PIGA: variants seen among roughly 807,000 people sequenced by gnomAD.
PIGA encodes phosphatidylinositol N-acetylglucosaminyltransferase subunit A.
A neutral mutation model predicts 17.1 loss-of-function variants in PIGA; 3 were observed. The ratio of observed to expected loss-of-function variants is 0.18; its 90% confidence interval spans 0.08 to 0.45. The LOEUF (loss-of-function observed/expected upper bound fraction) is 0.45, where lower values mean the gene tolerates loss of function less well. PIGA is among the 20% of genes least tolerant of loss of function. The pLI is 0.99. For synonymous variants in PIGA, 126 were observed against 135.1 expected (o/e 0.93, Z 0.47); for missense variants, 231 against 374.1 (o/e 0.62, Z 3.16).
chrX:15,333,507 C>T (rs761798245), intron 1 of PIGA, among the ~76,000 whole-genome samples: 17 of 111,289 alleles, frequency 1.5e-4, no homozygotes, highest in African/African-American at 4.6e-4. Context: ...ATGAAGAAAC[C>T]TCATCTCTAT....
At chrX:15,333,931 G>A (rs1462327433) in intron 1 of PIGA, among the ~76,000 whole-genome samples, 2 of 111,444 alleles carry the variant, frequency 1.8e-5, no homozygotes, top group Non-Finnish European at 3.8e-5. Context: ...CTTTATTAAT[G>A]TGAAATGCCC....
rs1921757075 is a variant in PIGA at position 15,320,150 on chromosome X, G to C, written c.*1356C>G. 1 of 112,676 alleles carries C rather than the reference G, an allele frequency of 8.9e-6. No individual in the cohort carries two copies. The highest frequency in any genetic ancestry group is 3.2e-5 in the African/African-American group (1 of 31,113). The allele number at this position is 112,676 out of a possible 1,213,427, so 9.3% of individuals were successfully genotyped here. On this transcript the variant is annotated 3_prime_UTR_variant, in exon 6 of 6. Coordinates refer to ENST00000333590, the MANE Select transcript of PIGA (RefSeq NM_002641.4). ...ATCAGTGCAACCAGTTAATAGGCAT[G>C]TTATTTTTTAAAAAGTAATAAATTT...
At chrX:15,323,373 T>C (rs1485813207) in intron 5 of PIGA, among the ~76,000 whole-genome samples, 1 of 111,267 alleles carries the variant, frequency 9.0e-6, no homozygotes, top group African/African-American at 3.3e-5. Flanking sequence ...ATACCCCCAA[T>C]TCTATCTCTG....
intron 1 of PIGA, among the ~76,000 whole-genome samples, chrX:15,334,259 C>T (rs1439557430): frequency 1.0e-5 from 1 of 99,932 alleles, no homozygotes; most frequent in Non-Finnish European, 2.0e-5. Context: ...GGAGCGATCT[C>T]GTCTCACTGC....
At chrX:15,328,153 A>G (rs186678527) in intron 2 of PIGA, 1 of 112,243 alleles carries the variant, frequency 8.9e-6, no homozygotes, top group African/African-American at 3.2e-5. Flanking sequence ...AGGAGAACTT[A>G]GCTCCAGAAA....
intron 5 of PIGA, among the ~76,000 whole-genome samples, chrX:15,322,251 A>C (rs777695844): frequency 8.9e-6 from 1 of 111,845 alleles, no homozygotes; most frequent in Admixed American, 9.5e-5. Context: ...CCACAAGCAG[A>C]GAGCTACAAT....
intron 2 of PIGA, among the ~76,000 whole-genome samples, chrX:15,329,567 T>A (rs1245557257): frequency 8.9e-6 from 1 of 111,855 alleles, no homozygotes; most frequent in Non-Finnish European, 1.9e-5. Flanking sequence ...CAGTGTGTAT[T>A]AATATTTTGA....
Position 15,331,900 on chromosome X carries a change from G to T in PIGA, c.31C>A (p.His11Asn). 8.3e-7 allele frequency: 1 copy of T among 1,206,886 alleles called. No homozygotes were observed. The highest frequency in any genetic ancestry group is 1.1e-6 in the Non-Finnish European group (1 of 891,983). Residue 11 changes from histidine to asparagine, a missense_variant, in exon 2 of 6, where the codon CAC becomes AAC. His to Asn is a moderately conservative substitution (Grantham distance 68, BLOSUM62 1). Transcript: ENST00000333590. MACRGGAGNG[H>N]RASATLSRVS... ...CGAGAGAGTGTAGCTGAGGCACGGTGGCCATTCCCAGCTCCTCCTCTACAG... is the reference window on the plus strand; with the variant it reads ...CGAGAGAGTGTAGCTGAGGCACGGTTGCCATTCCCAGCTCCTCCTCTACAG...
At chrX:15,328,099 G>A (rs956624243) in intron 2 of PIGA, 2 of 111,738 alleles carry the variant, frequency 1.8e-5, no homozygotes, top group Non-Finnish European at 3.8e-5. Flanking sequence ...AGAACCTTCT[G>A]ATCTACACCT....
At position 15,331,475 on chromosome X, in the gene PIGA, C is replaced by T. The variant is rs776453997; in HGVS notation, c.456G>A (p.Thr152=). The part of the protein sequence containing the change: ...AKTMGLQTVF[T]DHSLFGFADV... ...CAGCAAATCCAAAAAGGGAATGGTCCGTGAAGACTGTCTGAAGCCCCATTG... is the reference window on the plus strand; with the variant it reads ...CAGCAAATCCAAAAAGGGAATGGTCTGTGAAGACTGTCTGAAGCCCCATTG... Residue 152 remains threonine, a synonymous_variant, in exon 2 of 6, where the codon ACG becomes ACA. Transcript: ENST00000333590. 8 of 1,211,870 alleles carry T rather than the reference C, an allele frequency of 6.6e-6. No individual in the cohort carries two copies. In the Admixed American group the frequency reaches 1.3e-4, roughly 20 times the overall value.
chrX:15,330,601 ACTT>A (rs776608589), intron 2 of PIGA, among the ~76,000 whole-genome samples: 1 of 110,139 alleles, frequency 9.1e-6, no homozygotes, highest in Non-Finnish European at 1.9e-5. Flanking sequence ...TCTGCCCTTT[ACTT>A]CTTTTTTTTT....
rs781304220 is a variant in PIGA, at chrX:15,331,319, G to A, written c.612C>T (p.Ser204=). The A allele has an allele frequency of 8.3e-6, 10 of 1,204,463 alleles. No individual in the cohort carries two copies. Among genetic ancestry groups the A allele is most frequent in the East Asian group, 3.0e-5 (1 of 33,794 alleles). The part of the protein sequence containing the change: ...LRAALNPEIV[S]VIPNAVDPTD... The stretch of plus-strand genomic sequence containing the variant: ...TAGGATCTACAGCATTAGGAATGAC[G>A]GACACTATTTCAGGATTCAGTGCTG... Residue 204 remains serine, a synonymous_variant, in exon 2 of 6, where the codon TCC becomes TCT. Transcript: ENST00000333590.
In PIGA at chrX:15,325,951, A is replaced by G. The variant is rs752431843; in HGVS notation, c.811T>C (p.Leu271=). 3.2e-5 allele frequency: 38 copies of G among 1,200,912 alleles called. No homozygotes were observed. The East Asian group carries it at 1.1e-3, about 34-fold the overall frequency. ...IGGEGPKRII[L]EEVRERYQLH... is the part of the protein sequence containing the mutation. ...TGGTATCTTTCCCGAACTTCTTCCA[A>G]AATGATTCTCTTTGGTCCCTCTCCT... The change falls in exon 3 of 6, where the codon TTG becomes CTG. Residue 271 remains leucine, a synonymous_variant. Transcript: ENST00000333590.
chrX:15,323,935 G>A (rs1921893642), intron 5 of PIGA, among the ~76,000 whole-genome samples: 1 of 111,973 alleles, frequency 8.9e-6, no homozygotes, highest in African/African-American at 3.2e-5. Context: ...ATGGTAATAA[G>A]AGGCATGAGG....
Position 15,324,766 on chromosome X carries a change from T to C in PIGA, c.1087A>G (p.Ile363Val). 8.3e-7 allele frequency: 1 copy of C among 1,204,598 alleles called. No individual in the cohort carries two copies. Among genetic ancestry groups the C allele is most frequent in the South Asian group, 1.8e-5 (1 of 56,831 alleles). ...KSLCEGLEKA[I>V]FQLKSGTLPA... is the part of the protein sequence containing the mutation. ...AATGTCCCTGACTTCAGTTGGAAAATAGCCTTTTCCAATCCTTCACACAAA... is the reference window on the plus strand; with the variant it reads ...AATGTCCCTGACTTCAGTTGGAAAACAGCCTTTTCCAATCCTTCACACAAA... The change falls in exon 5 of 6, where the codon ATT becomes GTT. Residue 363 changes from isoleucine to valine, a missense_variant. Ile to Val is a conservative substitution (Grantham distance 29, BLOSUM62 3). Coordinates refer to ENST00000333590, the MANE Select transcript of PIGA (RefSeq NM_002641.4).
chrX:15,322,843 G>A (rs949754251), intron 5 of PIGA, among the ~76,000 whole-genome samples: 1 of 111,989 alleles, frequency 8.9e-6, no homozygotes, highest in East Asian at 2.8e-4. Context: ...TTTCATGATC[G>A]ATTTCCTAAA....
chrX:15,323,811 C>T (rs1452220219), intron 5 of PIGA, among the ~76,000 whole-genome samples: 1 of 111,825 alleles, frequency 8.9e-6, no homozygotes, highest in Admixed American at 9.5e-5. Flanking sequence ...CACTGAATAT[C>T]ACGTTGGTAG....
At chrX:15,325,864 A>G in intron 3 of PIGA, 50 bp downstream of exon 3, 1 of 1,085,086 alleles carries the variant, frequency 9.2e-7, no homozygotes, top group Non-Finnish European at 1.2e-6. Flanking sequence ...AAAACCAAAT[A>G]GAGATAATTG....
chrX:15,327,443 T>C (rs1275915135), intron 2 of PIGA, among the ~76,000 whole-genome samples: 3 of 111,525 alleles, frequency 2.7e-5, no homozygotes, highest in East Asian at 5.6e-4. Context: ...AGAAATGACA[T>C]ATATATTATA....
Sources: gnomAD v4.1 joint callset for allele counts (sites outside exome capture counted in the v4.1 genomes callset) on GRCh38, gnomAD v4.1.1 for gene constraint, MANE v1.5 for transcripts, NCBI Gene and HGNC (gene_info 2026-07-23, HGNC 2026-07-21) for gene names.